The following PRMT3 variants were observed in gnomAD, a reference collection of about 807,000 sequenced individuals.
The protein encoded by PRMT3 is protein arginine N-methyltransferase 3.
In PRMT3, 62 loss-of-function variants were observed where a neutral mutation model predicts 71.9. The ratio of observed to expected loss-of-function variants is 0.86; its 90% confidence interval spans 0.70 to 1.07. The LOEUF (loss-of-function observed/expected upper bound fraction) is 1.07. Ranked by LOEUF, PRMT3 falls within the 50% of genes least tolerant of loss-of-function variation. The pLI is 0.00. For missense variants in PRMT3, 663 were observed against 643.0 expected (o/e 1.03, Z -0.34); for synonymous variants, 213 against 220.4 (o/e 0.97, Z 0.30).
rs1007622904 is a variant in PRMT3, at chr11:20,400,940, CTT to C, written c.706-1976_706-1975del. On this transcript the variant is annotated intron_variant, in intron 7 of 15. Transcript: ENST00000331079. ...TTTAGAAATGGTTATAAAGGCTACTCTTTTATTTGCTTGCGTTTTCGTATTTA... is the reference window on the plus strand; with the variant it reads ...TTTAGAAATGGTTATAAAGGCTACTCTTATTTGCTTGCGTTTTCGTATTTA... Among the ~76,000 whole-genome samples, 28 of 147,562 alleles carry C rather than the reference CTT, an allele frequency of 1.9e-4. 1 individual carries two copies. Among genetic ancestry groups the C allele is most frequent in the Admixed American group, 1.9e-3 (27 of 14,554 alleles).
chr11:20,463,824 A>T (rs1012247634), intron 12 of PRMT3, among the ~76,000 whole-genome samples: 1 of 152,118 alleles, frequency 6.6e-6, no homozygotes, highest in African/African-American at 2.4e-5. Context: ...CCCTTCTCCA[A>T]AGTATAATGG....
chr11:20,427,656 T>C (rs942833496), intron 10 of PRMT3, among the ~76,000 whole-genome samples: 7 of 147,438 alleles, frequency 4.7e-5, no homozygotes, highest in Non-Finnish European at 1.1e-4. Flanking sequence ...ACCCAGGAGG[T>C]TGGAGGTTGC....
chr11:20,457,653 A>G (rs980060692), intron 11 of PRMT3, among the ~76,000 whole-genome samples: 2 of 152,214 alleles, frequency 1.3e-5, no homozygotes, highest in African/African-American at 2.4e-5. Context: ...TTTATACTTT[A>G]TAAAAGTTAT....
At chr11:20,477,469 A>G (rs1004539023) in intron 13 of PRMT3, among the ~76,000 whole-genome samples, 1 of 151,996 alleles carries the variant, frequency 6.6e-6, no homozygotes, top group African/African-American at 2.4e-5. Flanking sequence ...AAGCAGGAGA[A>G]TCACTTGAAC....
chr11:20,482,444 ATATC>A (rs1381752178), intron 13 of PRMT3, among the ~76,000 whole-genome samples: 1 of 152,080 alleles, frequency 6.6e-6, no homozygotes, highest in Non-Finnish European at 1.5e-5. Flanking sequence ...CAGGACTAGA[ATATC>A]TATCTGAAGT....
chr11:20,505,269 C>T (rs988692066), intron 15 of PRMT3, among the ~76,000 whole-genome samples: 1 of 152,138 alleles, frequency 6.6e-6, no homozygotes, highest in East Asian at 1.9e-4. Flanking sequence ...TTTCCCTCCA[C>T]ACTTTAATGT....
In PRMT3 at chr11:20,508,568, GA is replaced by G; in HGVS notation, c.*156del. 9.9e-6 allele frequency: 7 copies of G among 705,028 alleles called. No individual in the cohort carries two copies. Among genetic ancestry groups the G allele is most frequent in the South Asian group, 4.5e-5 (3 of 66,900 alleles). 43.7% of individuals were successfully genotyped at this position (705,028 alleles called of 1,614,324 possible). A position where few individuals can be genotyped will look rare whatever the true frequency, so the allele number is the denominator to read the frequency against. On this transcript the variant is annotated 3_prime_UTR_variant, in exon 16 of 16. Transcript: ENST00000331079. ...AGAGAAGTTCTCATTGTGGGAATCT[GA>G]CATAGTTCAGCTGAGGAAGAGAATC...
intron 13 of PRMT3, among the ~76,000 whole-genome samples, chr11:20,482,623 T>A (rs1850965946): frequency 6.6e-6 from 1 of 152,056 alleles, no homozygotes; most frequent in Non-Finnish European, 1.5e-5. Flanking sequence ...CCTTTTTGAT[T>A]CAGCCGGTTA....
At chr11:20,391,371 A>G (rs10766666) in intron 3 of PRMT3, among the ~76,000 whole-genome samples, 124,081 of 151,306 alleles carry the variant, frequency 0.82, 52,781 homozygotes, top group Non-Finnish European at 0.95. Flanking sequence ...TCAGCCTCCC[A>G]AGTAGCTGGG....
At chr11:20,499,205 A>G (rs1851401218) in intron 15 of PRMT3, among the ~76,000 whole-genome samples, 1 of 152,250 alleles carries the variant, frequency 6.6e-6, no homozygotes, top group Admixed American at 6.5e-5. Context: ...TATGTGAAGC[A>G]GTTAAGTATG....
At chr11:20,447,674 T>C (rs1429641787) in intron 10 of PRMT3, among the ~76,000 whole-genome samples, 1 of 152,118 alleles carries the variant, frequency 6.6e-6, no homozygotes, top group East Asian at 1.9e-4. Context: ...TGTGATGTTC[T>C]GCATTCTTTT....
At chr11:20,405,911 A>G (rs1176894023) in intron 8 of PRMT3, 1 of 151,804 alleles carries the variant, frequency 6.6e-6, no homozygotes, top group African/African-American at 2.4e-5. Context: ...CTCCATCTCC[A>G]GAACTCTTCA....
At chr11:20,497,661 C>T (rs946934449) in intron 15 of PRMT3, among the ~76,000 whole-genome samples, 3 of 152,074 alleles carry the variant, frequency 2.0e-5, no homozygotes, top group South Asian at 4.2e-4. Context: ...GGAAGACTCC[C>T]GGAGTTTTAC....
intron 3 of PRMT3, 143 bp downstream of exon 3, chr11:20,389,969 T>C: frequency 3.5e-6 from 2 of 567,818 alleles, no homozygotes; most frequent in Non-Finnish European, 3.1e-6. Flanking sequence ...CTGGCCAACA[T>C]GCTGAAACCC....
intron 7 of PRMT3, among the ~76,000 whole-genome samples, chr11:20,400,745 A>G (rs1049358257): frequency 1.3e-5 from 2 of 152,196 alleles, no homozygotes; most frequent in Admixed American, 6.5e-5. Flanking sequence ...ATTTGTAGGA[A>G]TAATTTCTTG....
Position 20,508,341 on chromosome 11 carries a change from TAAGA to T in PRMT3, c.1529_1532del (p.Lys510IlefsTer7). ...AAGGAAAGGTCACAGTTCACAAGAA[TAAGA>T]AAGATCCACGTTCTCTCACCGTGAC... On this transcript the variant is annotated frameshift_variant, in exon 16 of 16. Coordinates refer to ENST00000331079, the MANE Select transcript of PRMT3 (RefSeq NM_005788.4). LOFTEE classifies it high-confidence loss of function. 3 of 1,611,984 alleles carry T rather than the reference TAAGA, an allele frequency of 1.9e-6. No homozygotes were observed. Among genetic ancestry groups the T allele is most frequent in the Non-Finnish European group, 2.5e-6 (3 of 1,178,196 alleles).
Position 20,508,297 on chromosome 11 carries a change from T to C in PRMT3, c.1487-7T>C. 6.3e-7 allele frequency: 1 copy of C among 1,581,016 alleles called. No individual in the cohort carries two copies. Among genetic ancestry groups the C allele is most frequent in the East Asian group, 2.2e-5 (1 of 44,666 alleles). On this transcript the variant is annotated splice_polypyrimidine_tract_variant and splice_region_variant and intron_variant, in intron 15 of 15. Coordinates refer to ENST00000331079, the MANE Select transcript of PRMT3 (RefSeq NM_005788.4). ...AATTCTTAACAATTTTTGCCTTTGTTTTACAGGTGAAGCCTTGAAAGGAAA... is the reference window on the plus strand; with the variant it reads ...AATTCTTAACAATTTTTGCCTTTGTCTTACAGGTGAAGCCTTGAAAGGAAA...
intron 10 of PRMT3, among the ~76,000 whole-genome samples, chr11:20,431,163 A>G (rs896039137): frequency 6.6e-6 from 1 of 152,158 alleles, no homozygotes; most frequent in African/African-American, 2.4e-5. Flanking sequence ...TAAAATTGTA[A>G]GAGAACGTTC....
At chr11:20,478,533 T>TA (rs34317661) in intron 13 of PRMT3, among the ~76,000 whole-genome samples, 5,829 of 136,550 alleles carry the variant, frequency 0.043, 215 homozygotes, top group African/African-American at 0.11. Context: ...CCTGTCTCTT[T>TA]AAAAAAAAAA....
Sources: allele counts gnomAD v4.1 joint callset (sites outside exome capture counted in the v4.1 genomes callset), GRCh38; gene constraint gnomAD v4.1.1; transcripts MANE v1.5; gene names NCBI Gene and HGNC (gene_info 2026-07-23, HGNC 2026-07-21).